Variants in CAND1 observed in about 807,000 individuals in gnomAD.
The protein encoded by CAND1 is cullin-associated NEDD8-dissociated protein 1.
In CAND1, 7 loss-of-function variants were observed where a neutral mutation model predicts 108.5. The observed-to-expected ratio is 0.06, with a 90% CI of 0.04 to 0.12. The LOEUF (loss-of-function observed/expected upper bound fraction) is 0.12, where lower values mean the gene tolerates loss of function less well. Ranked by LOEUF, CAND1 falls within the 10% of genes least tolerant of loss-of-function variation. The pLI is 1.00. For synonymous variants in CAND1, 534 were observed against 512.0 expected, an observed-to-expected ratio of 1.04 and a Z score of -0.58; for missense variants, 941 against 1,448.7, an observed-to-expected ratio of 0.65 and a Z score of 5.69.
chr12:67,307,283 A>G (rs2044896995), intron 10 of CAND1, 114 bp from the exon 11 acceptor site: 2 of 725,770 alleles, frequency 2.8e-6, no homozygotes, highest in Non-Finnish European at 4.8e-6. Context: ...CTTCTTGGCC[A>G]AGGAGAATTC....
At chr12:67,308,262 A>G (rs36027294) in intron 11 of CAND1, among the ~76,000 whole-genome samples, 1 of 152,086 alleles carries the variant, frequency 6.6e-6, no homozygotes, top group African/African-American at 2.4e-5. Flanking sequence ...GAAAAAAAAT[A>G]CAATATAAAA....
intron 2 of CAND1, among the ~76,000 whole-genome samples, chr12:67,284,390 G>GTAT (rs1308024118): frequency 2.0e-5 from 3 of 152,072 alleles, no homozygotes; most frequent in Non-Finnish European, 4.4e-5. Flanking sequence ...GGGCAGTTCA[G>GTAT]TATTATATGC....
At position 67,305,873 on chromosome 12, in the gene CAND1, C is replaced by A. The variant is rs774395792; in HGVS notation, c.2205C>A (p.Leu735=). 9.3e-6 allele frequency: 15 copies of A among 1,614,056 alleles called. No individual in the cohort carries two copies. The African/African-American group carries it at 1.9e-4, about 20-fold the overall frequency. The change falls in exon 10 of 15, where the codon CTC becomes CTA. Residue 735 remains leucine (L), a synonymous_variant. Coordinates refer to ENST00000545606, the MANE Select transcript of CAND1 (RefSeq NM_018448.5). The surrounding 1 kb of genome is among the most constrained non-coding windows in gnomAD (Gnocchi z 4.4). ...TTTCAAAGATAAGTGGATCCATTCT[C>A]AATGAACTTATTGGACTTGTGAGAT... ...SSLSKISGSI[L]NELIGLVRSP...
At chr12:67,273,512 GCT>G (rs930825640) in intron 1 of CAND1, among the ~76,000 whole-genome samples, 1 of 140,344 alleles carries the variant, frequency 7.1e-6, no homozygotes, top group Non-Finnish European at 1.5e-5. Context: ...ATAGGGTCTC[GCT>G]CTGTCACCCA....
At position 67,302,622 on chromosome 12, in the gene CAND1, T is replaced by C; in HGVS notation, c.1293+7T>C. On this transcript the variant is annotated splice_region_variant and intron_variant, in intron 8 of 14. Coordinates refer to ENST00000545606, the MANE Select transcript of CAND1 (RefSeq NM_018448.5). The stretch of plus-strand genomic sequence containing the variant: ...AACAATGCTTCAGAGTCAGGTGGGT[T>C]TTAAAGTAAAGTTTAGAAAATCATG... The C allele has an allele frequency of 6.3e-7, 1 of 1,598,246 alleles. No homozygotes were observed. The highest frequency in any genetic ancestry group is 8.6e-7 in the Non-Finnish European group (1 of 1,168,970).
At chr12:67,301,972 G>T (rs980663471) in intron 7 of CAND1, among the ~76,000 whole-genome samples, 2 of 152,098 alleles carry the variant, frequency 1.3e-5, no homozygotes, top group Non-Finnish European at 2.9e-5. Flanking sequence ...TTGTTTCAAA[G>T]GCTGGGAAAT....
chr12:67,316,285 G>T lies in CAND1; in HGVS notation c.*3455G>T, dbSNP rs548203700. The T allele has an allele frequency of 5.9e-5, 9 of 152,272 alleles. No homozygotes were observed. Among genetic ancestry groups the T allele is most frequent in the Middle Eastern group, 3.4e-3 (1 of 294 alleles). The allele number at this position is 152,272 out of a possible 1,614,324, so 9.4% of individuals were successfully genotyped here. On this transcript the variant is annotated 3_prime_UTR_variant, in exon 15 of 15. Coordinates refer to ENST00000545606, the MANE Select transcript of CAND1 (RefSeq NM_018448.5). ...TAAAATTCATTTGATAATTTTGGTT[G>T]CAAAAGTGGAACACAGTGGAAGTAT...
At chr12:67,309,117 A>G (rs1016945957) in intron 11 of CAND1, among the ~76,000 whole-genome samples, 5 of 152,054 alleles carry the variant, frequency 3.3e-5, no homozygotes, top group Non-Finnish European at 5.9e-5. Context: ...AAGGTTTATA[A>G]TCCTCATTTT....
At chr12:67,287,174 C>A (rs2044679729) in intron 2 of CAND1, among the ~76,000 whole-genome samples, 2 of 152,154 alleles carry the variant, frequency 1.3e-5, no homozygotes, top group Non-Finnish European at 2.9e-5. Flanking sequence ...AATAGCATTC[C>A]CACCTCTCCC....
chr12:67,299,012 C>T lies in CAND1; in HGVS notation c.917C>T (p.Thr306Ile). The T allele has an allele frequency of 6.7e-7, 1 of 1,501,398 alleles. No homozygotes were observed. Among genetic ancestry groups the T allele is most frequent in the Non-Finnish European group, 9.3e-7 (1 of 1,079,706 alleles). The allele number at this position is 1,501,398 out of a possible 1,614,324, so 93.0% of individuals were successfully genotyped here. The stretch of plus-strand genomic sequence containing the variant: ...ATAAATATTTGTCTTAAATATCTTA[C>T]CTATGATCCAAATTATAATTACGAT... ...TIINICLKYLTYDPNYNYDDE... is the reference protein window; with the variant it reads ...TIINICLKYLIYDPNYNYDDE... The change falls in exon 7 of 15, where the codon ACC becomes ATC. Residue 306 changes from threonine to isoleucine, a missense_variant. Thr to Ile is a moderately conservative substitution (Grantham distance 89). Around this residue, in one of 9 missense-constraint regions of CAND1, gnomAD observed 697 missense variants for 942.0 expected, o/e 0.74. Coordinates refer to ENST00000545606, the MANE Select transcript of CAND1 (RefSeq NM_018448.5).
Position 67,269,646 on chromosome 12 carries a change from C to G in CAND1, c.-72C>G. On this transcript the variant is annotated 5_prime_UTR_variant, in exon 1 of 15. Transcript: ENST00000545606. ...CGAGCGAGAGGAGGAGCTCCAGTGG[C>G]GGCGGCGGCGGCGGCAGCGGCAGCG... The G allele has an allele frequency of 1.7e-6, 2 of 1,207,886 alleles. No individual in the cohort carries two copies. Among genetic ancestry groups the G allele is most frequent in the Non-Finnish European group, 2.4e-6 (2 of 846,360 alleles). The allele number at this position is 1,207,886 out of a possible 1,614,324, so 74.8% of individuals were successfully genotyped here.
At chr12:67,285,845 TGTATATTAGTA>T (rs2044665464) in intron 2 of CAND1, among the ~76,000 whole-genome samples, 1 of 152,200 alleles carries the variant, frequency 6.6e-6, no homozygotes, top group Non-Finnish European at 1.5e-5. Context: ...ATCCATGTTG[TGTATATTAGTA>T]GTTCATGCCT....
At chr12:67,290,301 A>G (rs2044710725) in intron 2 of CAND1, among the ~76,000 whole-genome samples, 1 of 152,172 alleles carries the variant, frequency 6.6e-6, no homozygotes, top group South Asian at 2.1e-4. Context: ...ACTTGAGGTC[A>G]GGAGTTCGAG....
intron 2 of CAND1, among the ~76,000 whole-genome samples, chr12:67,287,836 A>G (rs970653436): frequency 6.9e-6 from 1 of 144,738 alleles, no homozygotes; most frequent in African/African-American, 2.5e-5. Context: ...TCAGTTTGAA[A>G]TATTTTTAAT....
At chr12:67,282,208 T>C (rs1177022330) in intron 2 of CAND1, 155 bp downstream of exon 2, 38 of 680,288 alleles carry the variant, frequency 5.6e-5, no homozygotes, top group South Asian at 1.8e-4. Flanking sequence ...AGTGTTTGTA[T>C]ATGGTATATA....
At position 67,316,270 on chromosome 12, in the gene CAND1, T is replaced by G. The variant is rs2045006745; in HGVS notation, c.*3440T>G. The G allele has an allele frequency of 6.6e-6, 1 of 152,194 alleles. No individual in the cohort carries two copies. Among genetic ancestry groups the G allele is most frequent in the African/African-American group, 2.4e-5 (1 of 41,452 alleles). The allele number at this position is 152,194 out of a possible 1,614,324, so 9.4% of individuals were successfully genotyped here. On this transcript the variant is annotated 3_prime_UTR_variant, in exon 15 of 15. Transcript: ENST00000545606. ...ACTTTTCCATTTAAATAAAATTCAT[T>G]TGATAATTTTGGTTGCAAAAGTGGA... is the stretch of plus-strand genomic sequence containing the variant.
At chr12:67,297,249 A>G (rs1047810186) in intron 4 of CAND1, 158 bp from the exon 5 acceptor site, 1 of 737,112 alleles carries the variant, frequency 1.4e-6, no homozygotes, top group Non-Finnish European at 2.4e-6. Context: ...TTGCATTGGT[A>G]GATAAAGTGA....
intron 14 of CAND1, among the ~76,000 whole-genome samples, 174 bp from the exon 15 acceptor site, chr12:67,312,432 A>G (rs1470142139): frequency 6.6e-6 from 1 of 152,136 alleles, no homozygotes; most frequent in Non-Finnish European, 1.5e-5. Flanking sequence ...TTCCCTTAAA[A>G]GAAAAGGAGA....
rs771041395 is a variant in CAND1, at chr12:67,316,178, A to G, written c.*3348A>G. On this transcript the variant is annotated 3_prime_UTR_variant, in exon 15 of 15. Transcript: ENST00000545606. ...CTGTTTTTGAAATCTTGTTTATGGA[A>G]TGGAAAATTGACAGTATGGTAATAG... is the stretch of plus-strand genomic sequence containing the variant. 2.0e-5 allele frequency: 3 copies of G among 152,214 alleles called. No individual in the cohort carries two copies. Among genetic ancestry groups the G allele is most frequent in the African/African-American group, 4.8e-5 (2 of 41,458 alleles). The allele number at this position is 152,214 out of a possible 1,614,324, so 9.4% of individuals were successfully genotyped here.
Sources: gnomAD v4.1 joint callset for allele counts (sites outside exome capture counted in the v4.1 genomes callset) on GRCh38, gnomAD v4.1.1 for gene constraint, gnomAD v4.1.1 regional missense constraint, Gnocchi (gnomAD v3.1) non-coding constraint, MANE v1.5 for transcripts, NCBI Gene and HGNC (gene_info 2026-07-23, HGNC 2026-07-21) for gene names.